COBL: variants seen among roughly 807,000 people sequenced by gnomAD.
The protein encoded by COBL is protein cordon-bleu.
A neutral mutation model predicts 98.8 loss-of-function variants in COBL; 51 were observed. The ratio of observed to expected loss-of-function variants is 0.52; its 90% CI spans 0.41 to 0.65. The LOEUF (loss-of-function observed/expected upper bound fraction) is 0.65. COBL is among the 30% of genes least tolerant of loss of function. The probability of loss-of-function intolerance (pLI) is 0.00; values close to 1 mark genes in which losing one functional copy is unlikely to be tolerated. For missense variants in COBL, 1,617 were observed against 1,617.5 expected, an observed-to-expected ratio of 1.00 and a Z score of 0.01; for synonymous variants, 634 against 651.7, an observed-to-expected ratio of 0.97 and a Z score of 0.41.
chr7:51,245,124 A>C (rs1013292727), intron 1 of COBL, among the ~76,000 whole-genome samples: 7 of 151,206 alleles, frequency 4.6e-5, no homozygotes, highest in African/African-American at 1.7e-4. Context: ...CTTCCTCCAC[A>C]CTCTAACGGA....
intron 6 of COBL, among the ~76,000 whole-genome samples, chr7:51,091,486 T>TA (rs959148557): frequency 3.3e-5 from 5 of 150,924 alleles, no homozygotes; most frequent in Non-Finnish European, 3.0e-5. Context: ...AGTAAAGGAA[T>TA]AAAAAAAAAT....
chr7:51,129,460 A>G (rs1798534497), intron 6 of COBL, among the ~76,000 whole-genome samples: 1 of 152,044 alleles, frequency 6.6e-6, no homozygotes, highest in Non-Finnish European at 1.5e-5. Context: ...GGACGCCAAC[A>G]TTTAGAGCAC....
intron 6 of COBL, among the ~76,000 whole-genome samples, chr7:51,133,825 C>G (rs1359920924): frequency 6.6e-6 from 1 of 152,172 alleles, no homozygotes; most frequent in African/African-American, 2.4e-5. Flanking sequence ...AATACATAAT[C>G]AGGTGACAAA....
intron 5 of COBL, among the ~76,000 whole-genome samples, chr7:51,177,196 T>C (rs1435875303): frequency 6.6e-6 from 1 of 152,150 alleles, no homozygotes; most frequent in Non-Finnish European, 1.5e-5. Context: ...GGCCAAGAGC[T>C]GTGGGGCAGA....
At chr7:51,303,732 G>A (rs926620870) in intron 1 of COBL, among the ~76,000 whole-genome samples, 1 of 152,194 alleles carries the variant, frequency 6.6e-6, no homozygotes, top group Non-Finnish European at 1.5e-5. Context: ...TCCAAACAGG[G>A]AAGGTACAAA....
chr7:51,153,725 G>A (rs1785802824), intron 5 of COBL, among the ~76,000 whole-genome samples: 1 of 152,204 alleles, frequency 6.6e-6, no homozygotes, highest in African/African-American at 2.4e-5. Flanking sequence ...TGGTAAGGAG[G>A]CCGCAGGGTC....
intron 7 of COBL, chr7:51,065,173 TCA>T (rs1454077398): frequency 1.4e-6 from 1 of 702,556 alleles, no homozygotes; most frequent in Non-Finnish European, 2.6e-6. Context: ...TGCCAATATT[TCA>T]GAGGTAGGTA....
intron 2 of COBL, among the ~76,000 whole-genome samples, chr7:51,207,563 GCGATTGCAGGCAAGCGCCACCA>G (rs1026443504): frequency 2.4e-4 from 37 of 152,342 alleles, no homozygotes; most frequent in African/African-American, 8.7e-4. Flanking sequence ...CCGAGTGCCT[GCGATTGCAGGCAAGCGCCACCA>G]CACCTGACTG....
chr7:51,306,813 A>C (rs2129211194), intron 1 of COBL, among the ~76,000 whole-genome samples: 1 of 152,316 alleles, frequency 6.6e-6, no homozygotes, highest in South Asian at 2.1e-4. Context: ...ATAAGTCGTA[A>C]GAATGTCTGC....
chr7:51,158,562 G>A (rs1211065577), intron 5 of COBL, among the ~76,000 whole-genome samples: 2 of 152,190 alleles, frequency 1.3e-5, no homozygotes, highest in African/African-American at 4.8e-5. Context: ...GGAGCAGTGG[G>A]GATTTAAGAA....
intron 6 of COBL, among the ~76,000 whole-genome samples, chr7:51,104,485 G>A (rs534632973): frequency 6.6e-6 from 1 of 152,276 alleles, no homozygotes; most frequent in African/African-American, 2.4e-5. Context: ...TAACCTCTCT[G>A]TGCCTCAATT....
At chr7:51,163,929 C>A (rs550643867) in intron 5 of COBL, among the ~76,000 whole-genome samples, 1 of 152,296 alleles carries the variant, frequency 6.6e-6, no homozygotes, top group African/African-American at 2.4e-5. Flanking sequence ...AAATTCACCA[C>A]CATAAAGCTA....
chr7:51,246,570 C>T (rs1275910167), intron 1 of COBL, among the ~76,000 whole-genome samples: 1 of 152,222 alleles, frequency 6.6e-6, no homozygotes, highest in African/African-American at 2.4e-5. Context: ...GAGAATCCTG[C>T]CTGCACACCG....
chr7:51,116,087 ATCTG>A (rs1231393715), intron 6 of COBL, among the ~76,000 whole-genome samples: 1 of 152,026 alleles, frequency 6.6e-6, no homozygotes, highest in Non-Finnish European at 1.5e-5. Flanking sequence ...TTTAATCAGT[ATCTG>A]TCTTTTTATT....
At chr7:51,051,081 C>G (rs747538952) in intron 7 of COBL, among the ~76,000 whole-genome samples, 2 of 152,114 alleles carry the variant, frequency 1.3e-5, no homozygotes, top group Non-Finnish European at 2.9e-5. Flanking sequence ...GGTATACTCT[C>G]GAAGCTCTCT....
At chr7:51,237,267 A>G (rs910795483) in intron 1 of COBL, among the ~76,000 whole-genome samples, 1 of 152,082 alleles carries the variant, frequency 6.6e-6, no homozygotes, top group African/African-American at 2.4e-5. Context: ...TAATTTTTTC[A>G]TCTTAATTCT....
At chr7:51,268,123 C>T in intron 1 of COBL, among the ~76,000 whole-genome samples, 1 of 152,146 alleles carries the variant, frequency 6.6e-6, no homozygotes, top group East Asian at 1.9e-4. Flanking sequence ...TCCTCAGTTC[C>T]ACGTGCCGTC....
chr7:51,135,786 C>T (rs1025480407), intron 6 of COBL, among the ~76,000 whole-genome samples: 4 of 152,150 alleles, frequency 2.6e-5, no homozygotes, highest in Admixed American at 2.0e-4. Context: ...TAAATGTTGG[C>T]ATTTGTGGCA....
intron 1 of COBL, among the ~76,000 whole-genome samples, chr7:51,299,488 T>A (rs1801719287): frequency 6.6e-6 from 1 of 152,172 alleles, no homozygotes; most frequent in African/African-American, 2.4e-5. Context: ...CCCTAGCATA[T>A]GAGTCCAGGT....
Sources: gnomAD v4.1 joint callset for allele counts (sites outside exome capture counted in the v4.1 genomes callset) on GRCh38, gnomAD v4.1.1 for gene constraint, MANE v1.5 for transcripts, NCBI Gene and HGNC (gene_info 2026-07-23, HGNC 2026-07-21) for gene names.